The following C8orf34 variants were observed in gnomAD, a reference collection of about 807,000 sequenced individuals.
The protein encoded by C8orf34 is chromosome 8 open reading frame 34.
C8orf34 carries 65 observed loss-of-function variants against 68.3 expected under a neutral mutation model. The observed-to-expected ratio is 0.95, with a 90% CI of 0.78 to 1.17. The LOEUF (loss-of-function observed/expected upper bound fraction) is 1.17, where lower values mean the gene tolerates loss of function less well. Among genes scored for constraint, C8orf34 ranks in the 50% most tolerant of loss-of-function variants. The pLI, the probability that C8orf34 is intolerant of heterozygous loss-of-function variation, is 0.00. For synonymous variants in C8orf34, 244 were observed against 241.2 expected, an observed-to-expected ratio of 1.01 and a Z score of -0.11; for missense variants, 664 against 655.4, an observed-to-expected ratio of 1.01 and a Z score of -0.14.
chr8:68,521,739 C>T (rs1163559694), intron 5 of C8orf34, 60 bp from the exon 6 acceptor site: 4 of 1,454,474 alleles, frequency 2.8e-6, no homozygotes, highest in Non-Finnish European at 3.7e-6. Context: ...CTTTATTTCC[C>T]TGTTGTCCTG....
chr8:68,619,834 C>T (rs1345848509), intron 7 of C8orf34, among the ~76,000 whole-genome samples: 2 of 152,054 alleles, frequency 1.3e-5, no homozygotes, highest in Non-Finnish European at 2.9e-5. Flanking sequence ...AGGTACCCAG[C>T]TGATACAATG....
intron 7 of C8orf34, among the ~76,000 whole-genome samples, chr8:68,624,069 G>A (rs901219145): frequency 1.6e-4 from 25 of 151,912 alleles, no homozygotes; most frequent in Non-Finnish European, 2.8e-4. Flanking sequence ...TCAGGAGTTC[G>A]AGACTAGCCT....
chr8:68,810,936 A>T (rs1824631932), intron 12 of C8orf34, among the ~76,000 whole-genome samples: 1 of 152,160 alleles, frequency 6.6e-6, no homozygotes, highest in Non-Finnish European at 1.5e-5. Flanking sequence ...TCTGGTCTGC[A>T]GAACTGGCAG....
intron 1 of C8orf34, among the ~76,000 whole-genome samples, chr8:68,361,045 G>A (rs1003158645): frequency 5.7e-4 from 87 of 152,118 alleles, no homozygotes; most frequent in African/African-American, 2.0e-3. Flanking sequence ...GTGAGCCACC[G>A]CATCCGGCCT....
In C8orf34 at chr8:68,336,651, G is replaced by A. The variant is rs141765036; in HGVS notation, c.327+5312G>A. Among the ~76,000 whole-genome samples, 7 of 152,234 alleles carry A rather than the reference G, an allele frequency of 4.6e-5. No individual in the cohort carries two copies. The East Asian group carries it at 1.2e-3, about 25-fold the overall frequency. ...CATTTACTTCCCAACTCTGTCTACT[G>A]GAAGGGCCTGGGAATAACAACATCC... On this transcript the variant is annotated intron_variant, in intron 1 of 13. Transcript: ENST00000518698.
At chr8:68,423,711 G>T (rs907802974) in intron 1 of C8orf34, among the ~76,000 whole-genome samples, 1 of 152,018 alleles carries the variant, frequency 6.6e-6, no homozygotes, top group African/African-American at 2.4e-5. Flanking sequence ...GTATTAGGCT[G>T]CTCTAACACT....
At chr8:68,507,540 G>A (rs1197633635) in intron 5 of C8orf34, among the ~76,000 whole-genome samples, 1 of 152,180 alleles carries the variant, frequency 6.6e-6, no homozygotes, top group South Asian at 2.1e-4. Flanking sequence ...CCTAGAGAGT[G>A]GGAACTGGAT....
intron 1 of C8orf34, among the ~76,000 whole-genome samples, chr8:68,386,145 A>C (rs1367207602): frequency 6.6e-6 from 1 of 152,206 alleles, no homozygotes; most frequent in African/African-American, 2.4e-5. Context: ...GGGCTTAAGC[A>C]TTCCTCACAC....
At chr8:68,536,358 C>CAAAAAA (rs10696903) in intron 7 of C8orf34, among the ~76,000 whole-genome samples, 17 of 49,170 alleles carry the variant, frequency 3.5e-4, no homozygotes, top group South Asian at 1.3e-3. Flanking sequence ...GACCCTATCT[C>CAAAAAA]AAAAAAAAAA....
chr8:68,764,270 A>T (rs1033811152), intron 10 of C8orf34, among the ~76,000 whole-genome samples: 1 of 152,236 alleles, frequency 6.6e-6, no homozygotes, highest in Non-Finnish European at 1.5e-5. Context: ...GAAGGAATAC[A>T]GGAATTCTAA....
chr8:68,538,701 T>C (rs1448390614), intron 7 of C8orf34, among the ~76,000 whole-genome samples: 2 of 152,024 alleles, frequency 1.3e-5, no homozygotes, highest in Non-Finnish European at 2.9e-5. Context: ...AGATAAGAGG[T>C]AAAGCTATAT....
intron 1 of C8orf34, among the ~76,000 whole-genome samples, chr8:68,401,628 CCTTTTCTTCATCT>C (rs1325414707): frequency 2.7e-5 from 2 of 74,326 alleles, no homozygotes; most frequent in African/African-American, 1.1e-4. Context: ...TGAAATGAAG[CCTTTTCTTCATCT>C]CTTGAAATGG....
chr8:68,603,521 A>ATC (rs1817761532), intron 7 of C8orf34, among the ~76,000 whole-genome samples: 49 of 140,554 alleles, frequency 3.5e-4, no homozygotes, highest in East Asian at 1.9e-3. Flanking sequence ...ATATATACAT[A>ATC]TATCTATCTA....
chr8:68,799,029 G>C (rs900471906), intron 12 of C8orf34, among the ~76,000 whole-genome samples: 46 of 152,288 alleles, frequency 3.0e-4, no homozygotes, highest in African/African-American at 1.1e-3. Flanking sequence ...ACAAGCATCA[G>C]AGAAGGCTGT....
intron 7 of C8orf34, among the ~76,000 whole-genome samples, chr8:68,633,769 A>G (rs1218258027): frequency 6.6e-6 from 1 of 152,174 alleles, no homozygotes; most frequent in Non-Finnish European, 1.5e-5. Context: ...AGGAAGAAAG[A>G]AAGAGTAGAA....
chr8:68,732,097 T>C (rs1352176475), intron 10 of C8orf34, among the ~76,000 whole-genome samples: 1 of 152,234 alleles, frequency 6.6e-6, no homozygotes, highest in Non-Finnish European at 1.5e-5. Flanking sequence ...TTGAGAGTAA[T>C]GCTTTGGAGA....
chr8:68,768,711 C>A (rs922102784), intron 10 of C8orf34, among the ~76,000 whole-genome samples: 1 of 152,090 alleles, frequency 6.6e-6, no homozygotes, highest in Non-Finnish European at 1.5e-5. Flanking sequence ...CATTCTCTTG[C>A]AATTTGTAAG....
intron 10 of C8orf34, among the ~76,000 whole-genome samples, chr8:68,743,399 T>C (rs1333428458): frequency 6.6e-6 from 1 of 152,136 alleles, no homozygotes; most frequent in Non-Finnish European, 1.5e-5. Context: ...GGTCTACAGC[T>C]CCCAGCATGA....
chr8:68,676,492 G>T (rs1040228786), intron 8 of C8orf34, among the ~76,000 whole-genome samples: 1 of 152,052 alleles, frequency 6.6e-6, no homozygotes, highest in Non-Finnish European at 1.5e-5. Context: ...AATCAACAAA[G>T]AAACATCAGG....
Sources: allele counts gnomAD v4.1 joint callset (sites outside exome capture counted in the v4.1 genomes callset), GRCh38; gene constraint gnomAD v4.1.1; transcripts MANE v1.5; gene names NCBI Gene and HGNC (gene_info 2026-07-23, HGNC 2026-07-21).